The following PFKFB3 variants were observed in gnomAD, a reference collection of about 807,000 sequenced individuals.
The protein encoded by PFKFB3 is 6-phosphofructo-2-kinase/fructose-2,6-bisphosphatase 3.
PFKFB3 carries 33 observed loss-of-function variants against 68.0 expected under a neutral mutation model. That is an observed-to-expected ratio of 0.49 (90% CI 0.37 to 0.65). The LOEUF is 0.65. Among genes scored for constraint, PFKFB3 ranks in the 30% least tolerant of loss-of-function variants. PFKFB3 has a pLI of 0.00. For synonymous variants in PFKFB3, 315 were observed against 288.2 expected, an observed-to-expected ratio of 1.09 and a Z score of -0.94; for missense variants, 586 against 712.2, an observed-to-expected ratio of 0.82 and a Z score of 2.02.
chr10:6,250,528 G>A (rs922010265), intron 14 of PFKFB3, among the ~76,000 whole-genome samples: 19 of 150,360 alleles, frequency 1.3e-4, no homozygotes, highest in African/African-American at 3.4e-4. Flanking sequence ...CCAAGATCAC[G>A]CCACTGCACT....
intron 1 of PFKFB3, among the ~76,000 whole-genome samples, chr10:6,192,549 G>T (rs1280246075): frequency 6.6e-6 from 1 of 152,120 alleles, no homozygotes; most frequent in Non-Finnish European, 1.5e-5. Context: ...GCCCCTGCGG[G>T]TCACCCGGGC....
At chr10:6,221,302 T>G in intron 8 of PFKFB3, 79 bp from the exon 9 acceptor site, 1 of 1,550,288 alleles carries the variant, frequency 6.5e-7, no homozygotes, top group Non-Finnish European at 8.8e-7. Flanking sequence ...CAGCCCTACG[T>G]GGGCTGCCTG....
chr10:6,172,323 C>T (rs1043753208), intron 1 of PFKFB3, among the ~76,000 whole-genome samples: 12 of 152,160 alleles, frequency 7.9e-5, no homozygotes, highest in African/African-American at 2.9e-4. Flanking sequence ...GCAGAGGAGG[C>T]AGAGGAGTCC....
At chr10:6,188,903 C>T (rs866759904) in intron 1 of PFKFB3, among the ~76,000 whole-genome samples, 4 of 147,382 alleles carry the variant, frequency 2.7e-5, no homozygotes, top group Admixed American at 6.9e-5. Context: ...GGCGCGATCT[C>T]GGCTCACTGC....
chr10:6,202,481 G>GT (rs1302990627), upstream of PFKFB3: 3 of 152,564 alleles, frequency 2.0e-5, no homozygotes, highest in African/African-American at 7.2e-5. Flanking sequence ...GGAATGCAGA[G>GT]TATTGGGGCT....
intron 1 of PFKFB3, among the ~76,000 whole-genome samples, chr10:6,168,646 A>G (rs1165897891): frequency 6.6e-6 from 1 of 152,210 alleles, no homozygotes; most frequent in South Asian, 2.1e-4. Context: ...CTGCCCAGCA[A>G]TGACAACTTG....
At chr10:6,300,824 G>T in the PFKFB3 span, among the ~76,000 whole-genome samples, 1 of 152,162 alleles carries the variant, frequency 6.6e-6, no homozygotes, top group Non-Finnish European at 1.5e-5. Flanking sequence ...GGAAGCCTTG[G>T]TTTCTTGAGG....
intron 1 of PFKFB3, among the ~76,000 whole-genome samples, chr10:6,160,597 A>G (rs1454786972): frequency 6.6e-6 from 1 of 152,000 alleles, no homozygotes; most frequent in African/African-American, 2.4e-5. Flanking sequence ...ACGCACCTGT[A>G]ATCCCAGCTA....
intron 14 of PFKFB3, among the ~76,000 whole-genome samples, chr10:6,251,986 A>G (rs1302024560): frequency 1.3e-5 from 2 of 151,482 alleles, no homozygotes; most frequent in Non-Finnish European, 2.9e-5. Context: ...AAATAAATAA[A>G]TAAAATAAAA....
upstream of PFKFB3, among the ~76,000 whole-genome samples, chr10:6,199,658 A>ATTTTTTTTTTTTTTTTTTTTTTT (rs143309528): frequency 4.0e-5 from 3 of 75,584 alleles, no homozygotes; most frequent in African/African-American, 5.7e-5. Flanking sequence ...CTATTTTTAA[A>ATTTTTTTTTTTTTTTTTTTTTTT]TTTTTTTTTT....
chr10:6,314,670 A>G, the PFKFB3 span, among the ~76,000 whole-genome samples: 1 of 152,216 alleles, frequency 6.6e-6, no homozygotes, highest in East Asian at 1.9e-4. Flanking sequence ...GCTGTTTACA[A>G]TCATGAATCA....
intron 1 of PFKFB3, among the ~76,000 whole-genome samples, chr10:6,148,953 C>T (rs1841489400): frequency 6.6e-6 from 1 of 152,180 alleles, no homozygotes; most frequent in East Asian, 1.9e-4. Flanking sequence ...GTGGCGTGAA[C>T]TTGTAGTCCC....
the PFKFB3 span, among the ~76,000 whole-genome samples, chr10:6,291,837 C>T: frequency 9.9e-5 from 15 of 151,616 alleles, no homozygotes; most frequent in South Asian, 8.3e-4. Context: ...ACAGTTAAGG[C>T]GACAGTTCAA....
chr10:6,173,940 G>T (rs1004478026), intron 1 of PFKFB3, among the ~76,000 whole-genome samples: 7 of 152,162 alleles, frequency 4.6e-5, no homozygotes, highest in Middle Eastern at 3.4e-3. Flanking sequence ...AAGAGATGGG[G>T]AGTGAGGGCC....
At chr10:6,161,626 A>T (rs918670852) in intron 1 of PFKFB3, among the ~76,000 whole-genome samples, 4 of 78,202 alleles carry the variant, frequency 5.1e-5, no homozygotes, top group Non-Finnish European at 1.6e-4. Flanking sequence ...ACACACACAC[A>T]TATATATATA....
At chr10:6,274,490 A>C in the PFKFB3 span, among the ~76,000 whole-genome samples, 2 of 152,244 alleles carry the variant, frequency 1.3e-5, no homozygotes, top group Non-Finnish European at 2.9e-5. Flanking sequence ...TGCATTCAAT[A>C]GTGGCAAGTC....
chr10:6,293,898 A>G, the PFKFB3 span: 1 of 463,764 alleles, frequency 2.2e-6, no homozygotes, highest in Non-Finnish European at 4.3e-6. Flanking sequence ...CACATATACC[A>G]TTATCTATTG....
chr10:6,228,126 T>C lies in PFKFB3; in HGVS notation c.1515+1761T>C, dbSNP rs1397234167. ...TGCTGGCTGGGCCGGCGTGGGGTTT[T>C]TCAGGGCTTCGTCCCTGCAGATTGC... is the stretch of plus-strand genomic sequence containing the variant. On this transcript the variant is annotated intron_variant, in intron 14 of 14. Coordinates refer to ENST00000379775, the MANE Select transcript of PFKFB3 (RefSeq NM_004566.4). This position sits in a 1 kb window ranked among gnomAD's most constrained non-coding sequence, Gnocchi z 4.5. 1.3e-6 allele frequency: 2 copies of C among 1,587,896 alleles called. No individual in the cohort carries two copies. Among genetic ancestry groups the C allele is most frequent in the Non-Finnish European group, 8.6e-7 (1 of 1,157,636 alleles).
chr10:6,189,493 C>G (rs186373099), intron 1 of PFKFB3, among the ~76,000 whole-genome samples: 7 of 149,372 alleles, frequency 4.7e-5, no homozygotes, highest in African/African-American at 1.2e-4. Flanking sequence ...ACAGACCAGA[C>G]TGCTGATGGT....
Sources: allele counts gnomAD v4.1 joint callset (sites outside exome capture counted in the v4.1 genomes callset), GRCh38; gene constraint gnomAD v4.1.1; non-coding constraint Gnocchi (gnomAD v3.1); transcripts MANE v1.5; gene names NCBI Gene and HGNC (gene_info 2026-07-23, HGNC 2026-07-21).